The following PXDC1 variants were observed in gnomAD, a reference collection of about 807,000 sequenced individuals.
PXDC1 encodes PX domain-containing protein 1.
Under a neutral mutation model 24.4 loss-of-function variants are expected in PXDC1, and 13 were observed. That is an observed-to-expected ratio of 0.53 (90% CI 0.35 to 0.85). The LOEUF is 0.85. Ranked by LOEUF, PXDC1 falls within the 40% of genes least tolerant of loss-of-function variation. The pLI, the probability that PXDC1 is intolerant of heterozygous loss-of-function variation, is 0.01. For synonymous variants in PXDC1, 162 were observed against 124.9 expected (o/e 1.30, Z -1.98); for missense variants, 344 against 309.3 (o/e 1.11, Z -0.84).
chr6:3,731,058 T>C (rs1760184350), intron 3 of PXDC1, among the ~76,000 whole-genome samples: 1 of 152,262 alleles, frequency 6.6e-6, no homozygotes, highest in Non-Finnish European at 1.5e-5. Flanking sequence ...TAAAGAGTCC[T>C]GAGTGATCTA....
chr6:3,737,342 C>T lies in PXDC1; in HGVS notation c.349-146G>A. The T allele has an allele frequency of 3.0e-6, 2 of 661,218 alleles. No homozygotes were observed. The highest frequency in any genetic ancestry group is 1.9e-5 in the South Asian group (1 of 53,480). 41.0% of individuals were successfully genotyped at this position (661,218 alleles called of 1,614,324 possible). A position where few individuals can be genotyped will look rare whatever the true frequency, so the allele number is the denominator to read the frequency against. On this transcript the variant is annotated intron_variant, in intron 2 of 4. Transcript: ENST00000380283. This position sits in a 1 kb window ranked among gnomAD's most constrained non-coding sequence, Gnocchi z 5.5. ...AATGTCCAGATGCTCCCATGGCTGG[C>T]CGCAGGGGCGGGGCTGCCATCACTG...
chr6:3,749,586 C>T (rs575339267), intron 1 of PXDC1, among the ~76,000 whole-genome samples: 1 of 151,654 alleles, frequency 6.6e-6, no homozygotes, highest in South Asian at 2.1e-4. Context: ...TTTCCACCAG[C>T]GTGGATGCAA....
intron 3 of PXDC1, among the ~76,000 whole-genome samples, chr6:3,735,084 A>AAAC (rs1218692162): frequency 3.3e-5 from 5 of 152,028 alleles, no homozygotes; most frequent in African/African-American, 2.4e-5. Context: ...CCAACAAACA[A>AAAC]AACAACAACA....
chr6:3,734,054 G>A (rs568371483), intron 3 of PXDC1, among the ~76,000 whole-genome samples: 1 of 152,200 alleles, frequency 6.6e-6, no homozygotes, highest in Non-Finnish European at 1.5e-5. Context: ...ATCACACACG[G>A]AAGGCCACAG....
Position 3,723,429 on chromosome 6 carries a change from G to A in PXDC1, c.*190C>T, listed in dbSNP as rs1260280671. 5 of 616,722 alleles carry A rather than the reference G, an allele frequency of 8.1e-6. No individual in the cohort carries two copies. Among genetic ancestry groups the A allele is most frequent in the Non-Finnish European group, 1.5e-5 (5 of 344,180 alleles). The allele number at this position is 616,722 out of a possible 1,614,324, so 38.2% of individuals were successfully genotyped here. ...ACCTCAGCTTGCTGGAGACTCTGCGGTCAGCCTGGCCCACTAGGAGCCCCT... is the reference window on the plus strand; with the variant it reads ...ACCTCAGCTTGCTGGAGACTCTGCGATCAGCCTGGCCCACTAGGAGCCCCT... On this transcript the variant is annotated 3_prime_UTR_variant, in exon 5 of 5. Coordinates refer to ENST00000380283, the MANE Select transcript of PXDC1 (RefSeq NM_183373.4).
Position 3,722,815 on chromosome 6 carries a change from A to C in PXDC1, c.*804T>G, listed in dbSNP as rs1373329217. On this transcript the variant is annotated 3_prime_UTR_variant, in exon 5 of 5. Transcript: ENST00000380283. ...CTTCCCTCGTGATTCCCGTCCTTTC[A>C]AGTTCATTATGGCAGCTCTGTCAAT... The C allele has an allele frequency of 6.6e-6, 1 of 152,532 alleles. No individual in the cohort carries two copies. Among genetic ancestry groups the C allele is most frequent in the Non-Finnish European group, 1.5e-5 (1 of 68,012 alleles). 9.4% of individuals were successfully genotyped at this position (152,532 alleles called of 1,614,324 possible). A position where few individuals can be genotyped will look rare whatever the true frequency, so the allele number is the denominator to read the frequency against.
At chr6:3,733,415 G>A (rs545146140) in intron 3 of PXDC1, among the ~76,000 whole-genome samples, 2 of 152,334 alleles carry the variant, frequency 1.3e-5, no homozygotes, top group Admixed American at 6.5e-5. Flanking sequence ...CACTCCTGAA[G>A]GGAGGTATCT....
intron 4 of PXDC1, among the ~76,000 whole-genome samples, chr6:3,726,819 G>A (rs557075886): frequency 1.3e-3 from 198 of 152,386 alleles, no homozygotes; most frequent in African/African-American, 4.4e-3. Flanking sequence ...CAAGCGGGAT[G>A]TTTTACACTC....
At chr6:3,740,316 G>A (rs765342456) in intron 1 of PXDC1, among the ~76,000 whole-genome samples, 25 of 152,148 alleles carry the variant, frequency 1.6e-4, no homozygotes, top group African/African-American at 4.8e-4. Flanking sequence ...TATATTCTGC[G>A]GTACACTGAT....
intron 1 of PXDC1, among the ~76,000 whole-genome samples, chr6:3,750,936 G>A (rs1760696786): frequency 6.6e-6 from 1 of 152,046 alleles, no homozygotes; most frequent in South Asian, 2.1e-4. Context: ...CTAGGGCCGG[G>A]CCGACCCTGT....
intron 1 of PXDC1, among the ~76,000 whole-genome samples, chr6:3,748,845 GTGATAGGGAATGA>G (rs1760632178): frequency 6.6e-6 from 1 of 152,202 alleles, no homozygotes; most frequent in Non-Finnish European, 1.5e-5. Context: ...ACTGGGGAAT[GTGATAGGGAATGA>G]TGCAGAGAAA....
At chr6:3,736,261 T>A (rs144184028) in intron 3 of PXDC1, among the ~76,000 whole-genome samples, 1 of 152,130 alleles carries the variant, frequency 6.6e-6, no homozygotes, top group Non-Finnish European at 1.5e-5. Context: ...TCCTCCTCCA[T>A]TCAGAAACGG....
chr6:3,726,090 G>A (rs1760058448), intron 4 of PXDC1, among the ~76,000 whole-genome samples: 1 of 152,122 alleles, frequency 6.6e-6, no homozygotes, highest in African/African-American at 2.4e-5. Context: ...CCTAAATCTG[G>A]CCTCATTCCA....
At chr6:3,735,539 A>T (rs1760297678) in intron 3 of PXDC1, among the ~76,000 whole-genome samples, 1 of 152,212 alleles carries the variant, frequency 6.6e-6, no homozygotes, top group Non-Finnish European at 1.5e-5. Flanking sequence ...GATCTCACCC[A>T]TATTTGGAAC....
rs1201646563 is a variant in PXDC1 at position 3,725,691 on chromosome 6, G to A, written c.578+1860C>T. 1.3e-5 allele frequency among the ~76,000 whole-genome samples: 2 copies of A among 152,156 alleles called. No homozygotes were observed. Among genetic ancestry groups the A allele is most frequent in the Admixed American group, 6.5e-5 (1 of 15,284 alleles). ...ACAAAGGGTGTCTGTGCTCTTGGTC[G>A]CTGTCAACCCCCCACCCGACAGCCG... On this transcript the variant is annotated intron_variant, in intron 4 of 4. Transcript: ENST00000380283. The surrounding 1 kb of genome is among the most constrained non-coding windows in gnomAD (Gnocchi z 4.8).
At chr6:3,729,628 G>C (rs1581242256) in intron 3 of PXDC1, among the ~76,000 whole-genome samples, 1 of 152,230 alleles carries the variant, frequency 6.6e-6, no homozygotes, top group Non-Finnish European at 1.5e-5. Flanking sequence ...GGCGGACTGT[G>C]AAAACTGCCA....
intron 3 of PXDC1, among the ~76,000 whole-genome samples, chr6:3,736,155 A>C (rs886242016): frequency 6.6e-6 from 1 of 151,962 alleles, no homozygotes; most frequent in Admixed American, 6.6e-5. Flanking sequence ...CTGGTCTCCC[A>C]ATTCCTTCTG....
chr6:3,735,681 A>T (rs1760300885), intron 3 of PXDC1, among the ~76,000 whole-genome samples: 1 of 152,226 alleles, frequency 6.6e-6, no homozygotes. Flanking sequence ...GCTCTGCTGT[A>T]CTACTGCACA....
At chr6:3,744,095 G>A (rs192695309) in intron 1 of PXDC1, among the ~76,000 whole-genome samples, 2 of 152,184 alleles carry the variant, frequency 1.3e-5, no homozygotes, top group Admixed American at 6.5e-5. Flanking sequence ...TGCTCTTCCC[G>A]TAATCCTGCC....
Sources: gnomAD v4.1 joint callset for allele counts (sites outside exome capture counted in the v4.1 genomes callset) on GRCh38, gnomAD v4.1.1 for gene constraint, Gnocchi (gnomAD v3.1) non-coding constraint, MANE v1.5 for transcripts, NCBI Gene and HGNC (gene_info 2026-07-23, HGNC 2026-07-21) for gene names.